The following RGL1 variants were observed in gnomAD, a reference collection of about 807,000 sequenced individuals.
RGL1 encodes the protein ral guanine nucleotide dissociation stimulator-like 1.
Under a neutral mutation model 95.2 loss-of-function variants are expected in RGL1, and 24 were observed. That is an observed-to-expected ratio of 0.25 (90% CI 0.18 to 0.35). The LOEUF is 0.35. Among genes scored for constraint, RGL1 ranks in the 10% least tolerant of loss-of-function variants. The probability of loss-of-function intolerance (pLI) is 1.00; values close to 1 mark genes in which losing one functional copy is unlikely to be tolerated. For missense variants in RGL1, 715 were observed against 936.3 expected, an observed-to-expected ratio of 0.76 and a Z score of 3.08; for synonymous variants, 329 against 344.9, an observed-to-expected ratio of 0.95 and a Z score of 0.51.
chr1:183,783,302 A>G (rs532777014), intron 2 of RGL1, among the ~76,000 whole-genome samples: 1 of 152,306 alleles, frequency 6.6e-6, no homozygotes, highest in South Asian at 2.1e-4. Flanking sequence ...GAAGAAAATA[A>G]GGAACACACA....
At chr1:183,723,160 A>G (rs1446794537) in intron 1 of RGL1, among the ~76,000 whole-genome samples, 3 of 152,210 alleles carry the variant, frequency 2.0e-5, no homozygotes, top group African/African-American at 7.2e-5. Context: ...AAAGCCCTAG[A>G]TGAATCATTA....
At chr1:183,802,081 C>T (rs992418970), upstream of RGL1, among the ~76,000 whole-genome samples, 1 of 152,184 alleles carries the variant, frequency 6.6e-6, no homozygotes, top group Admixed American at 6.5e-5. Flanking sequence ...AGTCTGCAAT[C>T]CATTTTGAAT....
At chr1:183,667,312 T>G (rs1652107843) in intron 1 of RGL1, among the ~76,000 whole-genome samples, 1 of 152,174 alleles carries the variant, frequency 6.6e-6, no homozygotes, top group Admixed American at 6.5e-5. Context: ...ATTTAGATCA[T>G]TGATTTATTT....
chr1:183,673,891 T>C (rs1318627527), intron 1 of RGL1, among the ~76,000 whole-genome samples: 2 of 152,202 alleles, frequency 1.3e-5, no homozygotes, highest in Non-Finnish European at 2.9e-5. Context: ...GGAGCTTGTA[T>C]GTGTTCCTTC....
chr1:183,829,624 C>T (rs1457851028), intron 2 of RGL1, among the ~76,000 whole-genome samples: 1 of 152,100 alleles, frequency 6.6e-6, no homozygotes, highest in Non-Finnish European at 1.5e-5. Context: ...TAATACCCAC[C>T]TGCTTAAAAC....
At chr1:183,691,159 G>C (rs1653925131) in intron 1 of RGL1, among the ~76,000 whole-genome samples, 1 of 152,162 alleles carries the variant, frequency 6.6e-6, no homozygotes, top group African/African-American at 2.4e-5. Context: ...GCCTCATAAT[G>C]AAAAATCTGC....
intron 2 of RGL1, among the ~76,000 whole-genome samples, chr1:183,791,562 A>G (rs1013238041): frequency 3.9e-5 from 6 of 152,364 alleles, no homozygotes; most frequent in Non-Finnish European, 8.8e-5. Flanking sequence ...GTAACTGACC[A>G]CACTAAGACT....
intron 6 of RGL1, 72 bp from the exon 7 acceptor site, chr1:183,884,651 T>C (rs937611598): frequency 7.8e-7 from 1 of 1,281,620 alleles, no homozygotes; most frequent in Non-Finnish European, 1.1e-6. Context: ...AATTTACAAA[T>C]GACCCAGATG....
At chr1:183,786,250 A>T (rs186202578) in intron 2 of RGL1, among the ~76,000 whole-genome samples, 10 of 152,344 alleles carry the variant, frequency 6.6e-5, no homozygotes, top group Non-Finnish European at 1.3e-4. Context: ...AAAATATTTT[A>T]AAAATTAACT....
At chr1:183,798,916 T>G (rs1012743321) in intron 2 of RGL1, among the ~76,000 whole-genome samples, 1 of 146,446 alleles carries the variant, frequency 6.8e-6, no homozygotes, top group African/African-American at 2.5e-5. Context: ...AGTCTTGCTC[T>G]GTCGCCCAGG....
intron 1 of RGL1, among the ~76,000 whole-genome samples, chr1:183,652,438 CAG>C (rs1359038945): frequency 1.3e-5 from 2 of 152,320 alleles, no homozygotes; most frequent in East Asian, 1.9e-4. Flanking sequence ...TTCACTTTTT[CAG>C]AGTCTTTCTG....
chr1:183,760,568 C>CAAA (rs58715145), intron 2 of RGL1, among the ~76,000 whole-genome samples: 130 of 49,760 alleles, frequency 2.6e-3, no homozygotes, highest in African/African-American at 6.5e-3. Flanking sequence ...CCAGTCTCTG[C>CAAA]AAAAAAAAAA....
chr1:183,756,444 T>C (rs764198360), intron 2 of RGL1, among the ~76,000 whole-genome samples: 3 of 152,188 alleles, frequency 2.0e-5, no homozygotes, highest in Non-Finnish European at 4.4e-5. Context: ...AAACAAATAA[T>C]GAAAGTCTTC....
At chr1:183,711,666 G>A (rs1247934285) in intron 1 of RGL1, among the ~76,000 whole-genome samples, 1 of 152,006 alleles carries the variant, frequency 6.6e-6, no homozygotes, top group African/African-American at 2.4e-5. Context: ...ATCTGGAGAG[G>A]TCAGCTCTAC....
At chr1:183,872,374 A>C (rs567599055) in intron 4 of RGL1, among the ~76,000 whole-genome samples, 1 of 152,236 alleles carries the variant, frequency 6.6e-6, no homozygotes, top group Non-Finnish European at 1.5e-5. Flanking sequence ...ATGATGCTTT[A>C]TTTCTTTCCT....
chr1:183,747,550 G>A (rs142895609), intron 2 of RGL1, among the ~76,000 whole-genome samples: 6 of 152,090 alleles, frequency 3.9e-5, no homozygotes, highest in African/African-American at 7.2e-5. Flanking sequence ...TTTGTCAGAC[G>A]GAGAGATTGC....
At chr1:183,668,779 G>C (rs1015695102) in intron 1 of RGL1, among the ~76,000 whole-genome samples, 5 of 151,796 alleles carry the variant, frequency 3.3e-5, no homozygotes, top group Admixed American at 3.3e-4. Context: ...ACTCATTATT[G>C]CTTCAAATAT....
intron 2 of RGL1, among the ~76,000 whole-genome samples, chr1:183,748,394 CTTTTTTTTTTTT>C (rs56920504): frequency 5.7e-5 from 4 of 69,680 alleles, no homozygotes; most frequent in African/African-American, 1.3e-4. Flanking sequence ...TTCTCTAGTT[CTTTTTTTTTTTT>C]TTTTTTTTTT....
intron 1 of RGL1, among the ~76,000 whole-genome samples, chr1:183,658,873 A>T (rs2102018646): frequency 6.7e-6 from 1 of 149,698 alleles, no homozygotes; most frequent in South Asian, 2.1e-4. Flanking sequence ...CTTCCAGAGG[A>T]ACAATCAGCA....
Sources: gnomAD v4.1 joint callset for allele counts (sites outside exome capture counted in the v4.1 genomes callset) on GRCh38, gnomAD v4.1.1 for gene constraint, MANE v1.5 for transcripts, NCBI Gene and HGNC (gene_info 2026-07-23, HGNC 2026-07-21) for gene names.